PTPRG: variants seen among roughly 807,000 people sequenced by gnomAD.
PTPRG encodes the protein receptor-type tyrosine-protein phosphatase gamma.
In PTPRG, 102 loss-of-function variants were observed where a neutral mutation model predicts 165.3. That is an observed-to-expected ratio of 0.62 (90% CI 0.53 to 0.73). PTPRG has a LOEUF of 0.73. PTPRG is among the 30% of genes least tolerant of loss of function. PTPRG has a pLI of 0.00. For synonymous variants in PTPRG, 675 were observed against 669.5 expected (o/e 1.01, Z -0.13); for missense variants, 1,866 against 1,861.4 (o/e 1.00, Z -0.05).
chr3:61,743,866 T>C (rs1166455028), intron 1 of PTPRG, among the ~76,000 whole-genome samples: 1 of 152,216 alleles, frequency 6.6e-6, no homozygotes, highest in Admixed American at 6.5e-5. Flanking sequence ...TTTAATTGTG[T>C]AATTAAGTTG....
chr3:62,103,905 C>T (rs551124721), intron 5 of PTPRG, among the ~76,000 whole-genome samples: 67 of 152,324 alleles, frequency 4.4e-4, no homozygotes, highest in Non-Finnish European at 3.7e-4. Context: ...AAGAGTTGCT[C>T]ATCATTTCAA....
In PTPRG at chr3:62,282,939, A is replaced by G. The variant is rs1235397886; in HGVS notation, c.4055+70A>G. 3 of 1,445,802 alleles carry G rather than the reference A, an allele frequency of 2.1e-6. No individual in the cohort carries two copies. In the African/African-American group the frequency reaches 4.4e-5, roughly 21 times the overall value. 89.6% of individuals were successfully genotyped at this position (1,445,802 alleles called of 1,614,324 possible). A position where few individuals can be genotyped will look rare whatever the true frequency, so the allele number is the denominator to read the frequency against. On this transcript the variant is annotated intron_variant, in intron 28 of 29. Transcript: ENST00000474889. ...TTTAATTTCTTGTTGAAAGCAGTAGAAAAGGAAGCCAGAATTTTAAAACCT... is the reference window on the plus strand; with the variant it reads ...TTTAATTTCTTGTTGAAAGCAGTAGGAAAGGAAGCCAGAATTTTAAAACCT...
intron 2 of PTPRG, among the ~76,000 whole-genome samples, chr3:61,826,427 A>C (rs956687388): frequency 6.6e-6 from 1 of 151,998 alleles, no homozygotes; most frequent in Non-Finnish European, 1.5e-5. Context: ...TGGGAAATGC[A>C]TTTATCCTTT....
intron 2 of PTPRG, among the ~76,000 whole-genome samples, chr3:61,907,888 G>A (rs560929890): frequency 1.8e-4 from 27 of 151,768 alleles, no homozygotes; most frequent in South Asian, 8.3e-4. Context: ...CACTTTGGAG[G>A]CCATGGTGGG....
chr3:62,155,480 T>C (rs1482669736), intron 6 of PTPRG, among the ~76,000 whole-genome samples: 1 of 152,216 alleles, frequency 6.6e-6, no homozygotes, highest in Non-Finnish European at 1.5e-5. Context: ...GGGATAATCA[T>C]AGAACTAACT....
chr3:61,718,097 G>A (rs919177560), intron 1 of PTPRG, among the ~76,000 whole-genome samples: 1 of 151,822 alleles, frequency 6.6e-6, no homozygotes, highest in African/African-American at 2.4e-5. Context: ...CAGGAGAGTT[G>A]CTTGACTGGG....
rs531416395 is a variant in PTPRG at position 61,665,308 on chromosome 3, AAATCTATTGCACAAAG to A, written c.86-83569_86-83554del. On this transcript the variant is annotated intron_variant, in intron 1 of 29. Coordinates refer to ENST00000474889, the MANE Select transcript of PTPRG (RefSeq NM_002841.4). ...TGTCTCTTCCTGGAAGTATCGTTTT[AAATCTATTGCACAAAG>A]TCAGACAAATAGGTTTATTTGAGTC... is the stretch of plus-strand genomic sequence containing the variant. Among the ~76,000 whole-genome samples, 366 of 152,280 alleles carry A rather than the reference AAATCTATTGCACAAAG, an allele frequency of 2.4e-3. 1 individual carries two copies. Among genetic ancestry groups the A allele is most frequent in the African/African-American group, 8.5e-3 (355 of 41,540 alleles).
chr3:62,128,912 C>G (rs1430650302), intron 5 of PTPRG, among the ~76,000 whole-genome samples: 1 of 151,680 alleles, frequency 6.6e-6, no homozygotes, highest in Non-Finnish European at 1.5e-5. Context: ...GGAACAAATC[C>G]ACTTATTAGC....
At chr3:61,974,875 A>G (rs538966379) in intron 2 of PTPRG, among the ~76,000 whole-genome samples, 114 of 152,320 alleles carry the variant, frequency 7.5e-4, no homozygotes, top group African/African-American at 2.6e-3. Context: ...CAGCTGTAAG[A>G]CACAGACCTG....
In PTPRG at chr3:62,092,162, G is replaced by T. The variant is rs374942841; in HGVS notation, c.615+13904G>T. ...AAACTCCTTAAGACAAGGACCGGCC[G>T]GGTCCAGCTGCACATGCCTATAATC... is the stretch of plus-strand genomic sequence containing the variant. On this transcript the variant is annotated intron_variant, in intron 5 of 29. Transcript: ENST00000474889. Among the ~76,000 whole-genome samples, 3 of 149,068 alleles carry T rather than the reference G, an allele frequency of 2.0e-5. 1 individual carries two copies. The highest frequency in any genetic ancestry group is 7.5e-5 in the African/African-American group (3 of 40,222).
intron 1 of PTPRG, among the ~76,000 whole-genome samples, chr3:61,740,684 G>C (rs997176742): frequency 6.6e-6 from 1 of 151,742 alleles, no homozygotes; most frequent in Non-Finnish European, 1.5e-5. Flanking sequence ...TCTAGGATAC[G>C]ACATTGCTGT....
At chr3:61,943,961 A>C (rs1256513431) in intron 2 of PTPRG, among the ~76,000 whole-genome samples, 1 of 152,200 alleles carries the variant, frequency 6.6e-6, no homozygotes, top group Non-Finnish European at 1.5e-5. Flanking sequence ...GTTCTCTTAC[A>C]TTAAAAGTAA....
chr3:62,003,024 C>A (rs1559740286), intron 3 of PTPRG, among the ~76,000 whole-genome samples: 1 of 152,108 alleles, frequency 6.6e-6, no homozygotes, highest in Non-Finnish European at 1.5e-5. Flanking sequence ...TTTTGACCAT[C>A]AAGCAGTTTT....
intron 2 of PTPRG, among the ~76,000 whole-genome samples, chr3:61,975,904 A>G (rs1389664764): frequency 1.3e-5 from 2 of 152,146 alleles, no homozygotes; most frequent in East Asian, 3.8e-4. Context: ...TCTTTTTTAT[A>G]TATTCTCCTT....
At chr3:61,661,553 A>G (rs1702669071) in intron 1 of PTPRG, among the ~76,000 whole-genome samples, 1 of 152,182 alleles carries the variant, frequency 6.6e-6, no homozygotes, top group Non-Finnish European at 1.5e-5. Context: ...ACGCTGAGCC[A>G]TTTTATCATG....
At chr3:62,206,421 C>A (rs549662183) in intron 12 of PTPRG, among the ~76,000 whole-genome samples, 1 of 152,214 alleles carries the variant, frequency 6.6e-6, no homozygotes, top group East Asian at 1.9e-4. Context: ...AAGTCTTAGT[C>A]CCGTGTCCTC....
intron 8 of PTPRG, among the ~76,000 whole-genome samples, chr3:62,186,994 G>A (rs1699674650): frequency 6.6e-6 from 1 of 152,222 alleles, no homozygotes; most frequent in Non-Finnish European, 1.5e-5. Context: ...TGTGGACCAC[G>A]GGAAAGACTA....
At chr3:62,071,131 C>T (rs772999236) in intron 4 of PTPRG, among the ~76,000 whole-genome samples, 10 of 152,026 alleles carry the variant, frequency 6.6e-5, no homozygotes, top group Admixed American at 2.6e-4. Context: ...TAAAAATCCC[C>T]AGCAGTATCC....
chr3:61,747,972 C>T (rs929962529), intron 1 of PTPRG, among the ~76,000 whole-genome samples: 6 of 152,100 alleles, frequency 3.9e-5, no homozygotes, highest in Admixed American at 6.6e-5. Flanking sequence ...AAAAGAAATC[C>T]GCATCCATGA....
Sources: gnomAD v4.1 joint callset for allele counts (sites outside exome capture counted in the v4.1 genomes callset) on GRCh38, gnomAD v4.1.1 for gene constraint, MANE v1.5 for transcripts, NCBI Gene and HGNC (gene_info 2026-07-23, HGNC 2026-07-21) for gene names.